Variants in KANSL1 observed in about 807,000 individuals in gnomAD.
The protein encoded by KANSL1 is KAT8 regulatory NSL complex subunit 1.
A neutral mutation model predicts 103.6 loss-of-function variants in KANSL1; 22 were observed. That is an observed-to-expected ratio of 0.21 (90% CI 0.15 to 0.30). KANSL1 has a LOEUF of 0.30. Among genes scored for constraint, KANSL1 ranks in the 10% least tolerant of loss-of-function variants. The pLI is 1.00. For synonymous variants in KANSL1, 600 were observed against 527.6 expected, an observed-to-expected ratio of 1.14 and a Z score of -1.88; for missense variants, 1,337 against 1,399.8, an observed-to-expected ratio of 0.96 and a Z score of 0.72.
At chr17:46,198,801 T>TAAA (rs1467594647), upstream of KANSL1, among the ~76,000 whole-genome samples, 2 of 152,222 alleles carry the variant, frequency 1.3e-5, no homozygotes, top group Non-Finnish European at 1.5e-5. Flanking sequence ...ACACTATATA[T>TAAA]AAAAATACTT....
intron 6 of KANSL1, among the ~76,000 whole-genome samples, chr17:46,064,517 CA>C (rs1233700435): frequency 6.6e-6 from 1 of 152,114 alleles, no homozygotes; most frequent in African/African-American, 2.4e-5. Context: ...CTCCCTCTAC[CA>C]AAACTGCTCA....
At chr17:46,101,357 G>T (rs932576414) in intron 2 of KANSL1, among the ~76,000 whole-genome samples, 2 of 152,154 alleles carry the variant, frequency 1.3e-5, no homozygotes, top group African/African-American at 4.8e-5. Flanking sequence ...CATATAAATT[G>T]ACCTCTGCAA....
Position 46,171,409 on chromosome 17 carries a change from G to C in KANSL1, c.735C>G (p.Ser245Arg), listed in dbSNP as rs2046281153. ...AGTCTGTACCAGGTGATAATCTACT[G>C]CTTCCTTGAAGTGCCGGCTGTTCCA... Reference protein sequence around the residue: ...NSMEQPALQGSSRLSPGTDSS... With the variant: ...NSMEQPALQGRSRLSPGTDSS... The change falls in exon 2 of 15, where the codon AGC (serine) becomes AGG (arginine). Residue 245 changes from serine (S) to arginine (R), a missense_variant. Physicochemically the swap from Ser to Arg is moderately radical, Grantham distance 110. Coordinates refer to ENST00000432791, the MANE Select transcript of KANSL1 (RefSeq NM_015443.4). 3 of 1,614,058 alleles carry C rather than the reference G, an allele frequency of 1.9e-6. No individual in the cohort carries two copies. The highest frequency in any genetic ancestry group is 2.5e-6 in the Non-Finnish European group (3 of 1,180,004).
At chr17:46,054,719 T>C (rs983562885) in intron 6 of KANSL1, among the ~76,000 whole-genome samples, 2 of 152,204 alleles carry the variant, frequency 1.3e-5, no homozygotes, top group African/African-American at 2.4e-5. Context: ...GTTACTCTGA[T>C]TTCCTTGCTA....
At chr17:46,045,446 T>TA (rs924716374) in intron 7 of KANSL1, 2 of 117,396 alleles carry the variant, frequency 1.7e-5, no homozygotes, top group African/African-American at 5.2e-5. Context: ...TAAAAATATA[T>TA]ATATATCTCC....
intron 1 of KANSL1, among the ~76,000 whole-genome samples, chr17:46,209,889 C>T (rs1231987481): frequency 6.6e-6 from 1 of 152,192 alleles, no homozygotes; most frequent in Non-Finnish European, 1.5e-5. Flanking sequence ...TCTCTAAATG[C>T]CAGGAGGATA....
chr17:46,154,756 T>TG (rs1255122979), intron 2 of KANSL1, among the ~76,000 whole-genome samples: 6 of 152,156 alleles, frequency 3.9e-5, no homozygotes, highest in Non-Finnish European at 8.8e-5. Context: ...GAGGGTGTGG[T>TG]GGGGGGAAGG....
intron 6 of KANSL1, among the ~76,000 whole-genome samples, chr17:46,062,110 C>CAAAAAAAAAAAAAAAAAAAAAAAAAAAA (rs1568403365): frequency 9.0e-5 from 2 of 22,264 alleles, no homozygotes; most frequent in Non-Finnish European, 1.8e-4. Context: ...AAAAAAAAAA[C>CAAAAAAAAAAAAAAAAAAAAAAAAAAAA]AAACAAACAA....
At chr17:46,101,025 G>A (rs1387652130) in intron 2 of KANSL1, among the ~76,000 whole-genome samples, 4 of 152,206 alleles carry the variant, frequency 2.6e-5, no homozygotes, top group African/African-American at 9.7e-5. Context: ...AGGATTATGT[G>A]CTACTTCCAA....
chr17:46,090,365 A>T (rs1382604607), intron 3 of KANSL1, among the ~76,000 whole-genome samples: 2 of 152,250 alleles, frequency 1.3e-5, no homozygotes, highest in Non-Finnish European at 2.9e-5. Flanking sequence ...TTGTTATGAC[A>T]GTCTAGGAAA....
intron 6 of KANSL1, 25 bp from the exon 7 acceptor site, chr17:46,050,729 G>C (rs750343585): frequency 2.5e-5 from 40 of 1,595,420 alleles, no homozygotes; most frequent in Non-Finnish European, 3.4e-5. Context: ...AAACAAAACT[G>C]ACAATTCAGC....
intron 1 of KANSL1, among the ~76,000 whole-genome samples, chr17:46,199,635 G>T (rs1318827104): frequency 6.6e-6 from 1 of 152,138 alleles, no homozygotes; most frequent in Non-Finnish European, 1.5e-5. Context: ...GATACAAACT[G>T]CAGGATTTAC....
intron 2 of KANSL1, among the ~76,000 whole-genome samples, chr17:46,140,587 A>C (rs2044371193): frequency 6.6e-6 from 1 of 152,170 alleles, no homozygotes; most frequent in Non-Finnish European, 1.5e-5. Context: ...AATAATAATC[A>C]AGAAAATGAG....
intron 2 of KANSL1, among the ~76,000 whole-genome samples, chr17:46,123,313 G>A (rs1348700067): frequency 6.6e-6 from 1 of 152,198 alleles, no homozygotes; most frequent in African/African-American, 2.4e-5. Flanking sequence ...GGAGGCAGAG[G>A]TTGCAGTGAG....
At chr17:46,032,939 TTC>T (rs1424971154) in intron 13 of KANSL1, 139 bp downstream of exon 13, 2 of 640,920 alleles carry the variant, frequency 3.1e-6, no homozygotes, top group Non-Finnish European at 5.3e-6. Context: ...ACCAAGGAAA[TTC>T]TGAGCTATTT....
At position 46,171,954 on chromosome 17, in the gene KANSL1, G is replaced by C; in HGVS notation, c.190C>G (p.Arg64Gly). 1 of 1,614,258 alleles carries C rather than the reference G, an allele frequency of 6.2e-7. No homozygotes were observed. The highest frequency in any genetic ancestry group is 1.1e-5 in the South Asian group (1 of 91,088). The change falls in exon 2 of 15, where the codon CGA becomes GGA. Residue 64 changes from arginine to glycine, a missense_variant. Arg to Gly is a moderately radical substitution (Grantham distance 125). Transcript: ENST00000432791. ...AAGTCTTCCTTGGTAGGATTATTTC[G>C]GAAATCTAGGCTGGGATCCTCTGCA... The part of the protein sequence containing the change: ...IAAEDPSLDF[R>G]NNPTKEDLGK...
chr17:46,176,845 A>T (rs2046543959), intron 1 of KANSL1, among the ~76,000 whole-genome samples: 1 of 152,138 alleles, frequency 6.6e-6, no homozygotes, highest in African/African-American at 2.4e-5. Context: ...AGCATAGTGT[A>T]GTTACTAAAA....
intron 1 of KANSL1, among the ~76,000 whole-genome samples, chr17:46,175,620 G>C (rs945031910): frequency 6.6e-6 from 1 of 152,160 alleles, no homozygotes; most frequent in South Asian, 2.1e-4. Flanking sequence ...AAAGTGCTAG[G>C]ATTACAGGTG....
chr17:46,201,695 G>A (rs1344824041), intron 1 of KANSL1, among the ~76,000 whole-genome samples: 1 of 150,782 alleles, frequency 6.6e-6, no homozygotes, highest in African/African-American at 2.4e-5. Context: ...AACATAGTGA[G>A]ACCCTATCTC....
Sources: allele counts gnomAD v4.1 joint callset (sites outside exome capture counted in the v4.1 genomes callset), GRCh38; gene constraint gnomAD v4.1.1; transcripts MANE v1.5; gene names NCBI Gene and HGNC (gene_info 2026-07-23, HGNC 2026-07-21).